The following THSD7B variants were observed in gnomAD, a reference collection of about 807,000 sequenced individuals.
The protein encoded by THSD7B is thrombospondin type-1 domain-containing protein 7B.
THSD7B carries 138 observed loss-of-function variants against 213.6 expected under a neutral mutation model. The observed-to-expected ratio is 0.65, with a 90% CI of 0.56 to 0.74. The LOEUF is 0.74. Ranked by LOEUF, THSD7B falls within the 30% of genes least tolerant of loss-of-function variation. The pLI is 0.00. For missense variants in THSD7B, 1,931 were observed against 1,991.5 expected, an observed-to-expected ratio of 0.97 and a Z score of 0.58; for synonymous variants, 742 against 687.0, an observed-to-expected ratio of 1.08 and a Z score of -1.25.
At chr2:137,051,900 C>G (rs1687077511) in intron 2 of THSD7B, among the ~76,000 whole-genome samples, 1 of 152,150 alleles carries the variant, frequency 6.6e-6, no homozygotes, top group Non-Finnish European at 1.5e-5. Flanking sequence ...AGGCATCCAG[C>G]ATGCTTTCTT....
intron 27 of THSD7B, among the ~76,000 whole-genome samples, chr2:137,669,834 C>T (rs1300150213): frequency 1.3e-5 from 2 of 152,036 alleles, no homozygotes; most frequent in African/African-American, 4.8e-5. Flanking sequence ...TTTTGTTTTC[C>T]TCCATTCCCT....
intron 12 of THSD7B, among the ~76,000 whole-genome samples, chr2:137,323,538 G>A (rs13419408): frequency 0.045 from 6,849 of 152,220 alleles, 491 homozygotes; most frequent in African/African-American, 0.15. Context: ...ATGCTGAGAG[G>A]TACTGTGTGG....
intron 1 of THSD7B, among the ~76,000 whole-genome samples, chr2:136,801,095 T>C (rs1474752958): frequency 6.6e-6 from 1 of 152,052 alleles, no homozygotes; most frequent in Non-Finnish European, 1.5e-5. Flanking sequence ...ATGGTTTGCA[T>C]ATCTTTGCCT....
intron 21 of THSD7B, among the ~76,000 whole-genome samples, chr2:137,649,853 G>A (rs1178291531): frequency 6.6e-6 from 1 of 151,994 alleles, no homozygotes; most frequent in Non-Finnish European, 1.5e-5. Flanking sequence ...CCCAGCACTT[G>A]GGGAGGCTGA....
Position 137,663,392 on chromosome 2 carries a change from T to C in THSD7B, c.4468T>C (p.Cys1490Arg). ...ATTCTTTATGCTGTAGGGTGGAGTC[T>C]GTGGTTGTGAGAAGGGCTATACAGA... is the stretch of plus-strand genomic sequence containing the variant. Reference protein sequence around the residue: ...PFSYCTQGGVCGCEKGYTEIM... With the variant: ...PFSYCTQGGVRGCEKGYTEIM... Residue 1490 changes from cysteine to arginine, a missense_variant, in exon 26 of 28, where the codon TGT becomes CGT. Coordinates refer to ENST00000409968, the MANE Select transcript of THSD7B (RefSeq NM_001316349.2). The C allele has an allele frequency of 6.3e-7, 1 of 1,580,796 alleles. No homozygotes were observed. The highest frequency in any genetic ancestry group is 8.6e-7 in the Non-Finnish European group (1 of 1,162,772).
At chr2:136,837,816 T>G (rs181905189) in intron 1 of THSD7B, among the ~76,000 whole-genome samples, 1 of 152,356 alleles carries the variant, frequency 6.6e-6, no homozygotes, top group East Asian at 1.9e-4. Flanking sequence ...TTTCTTTATA[T>G]ATCCTCCTAC....
intron 1 of THSD7B, among the ~76,000 whole-genome samples, chr2:136,822,274 G>A (rs1019520169): frequency 2.6e-5 from 4 of 152,166 alleles, no homozygotes; most frequent in Non-Finnish European, 4.4e-5. Flanking sequence ...ACCCACTTTA[G>A]ATGATTTAAT....
intron 12 of THSD7B, among the ~76,000 whole-genome samples, chr2:137,332,092 G>A (rs1194738810): frequency 1.3e-5 from 2 of 152,138 alleles, no homozygotes; most frequent in Non-Finnish European, 2.9e-5. Context: ...CTCAAGTGCC[G>A]CCAAAGTGGA....
chr2:136,881,951 A>G (rs1683631833), intron 1 of THSD7B, among the ~76,000 whole-genome samples, 193 bp from the exon 2 acceptor site: 2 of 152,200 alleles, frequency 1.3e-5, no homozygotes, highest in African/African-American at 4.8e-5. Context: ...ACAAAAAATA[A>G]TACAAAACAT....
At chr2:136,914,253 C>T (rs971189184) in intron 2 of THSD7B, among the ~76,000 whole-genome samples, 1 of 152,192 alleles carries the variant, frequency 6.6e-6, no homozygotes, top group Non-Finnish European at 1.5e-5. Flanking sequence ...GCTGTATTTA[C>T]CCAATACCTG....
At chr2:137,555,311 ACCTCATACGGCCAGGTACC>A (rs1271125031) in intron 15 of THSD7B, among the ~76,000 whole-genome samples, 1 of 152,200 alleles carries the variant, frequency 6.6e-6, no homozygotes, top group Non-Finnish European at 1.5e-5. Context: ...GCAGACTGAC[ACCTCATACGGCCAGGTACC>A]CCTCTGAGAT....
rs556441952 is a variant in THSD7B at position 136,818,831 on chromosome 2, G to T, written c.-36+53144G>T. ...GCTTTCAAGTAAGTTGATTTTTAGG[G>T]GACTGGATTTGGTGGCTTATAACTC... is the stretch of plus-strand genomic sequence containing the variant. On this transcript the variant is annotated intron_variant, in intron 1 of 27. Coordinates refer to ENST00000409968, the MANE Select transcript of THSD7B (RefSeq NM_001316349.2). Among the ~76,000 whole-genome samples the T allele has an allele frequency of 3.3e-5, 5 of 151,776 alleles. No homozygotes were observed. The South Asian group carries it at 1.0e-3, about 32-fold the overall frequency.
intron 2 of THSD7B, among the ~76,000 whole-genome samples, chr2:136,884,798 A>G (rs1683688532): frequency 6.6e-6 from 1 of 152,086 alleles, no homozygotes; most frequent in African/African-American, 2.4e-5. Context: ...AAATTTATCT[A>G]GTTTTCCTGT....
At chr2:137,191,438 G>A (rs970069432) in intron 7 of THSD7B, among the ~76,000 whole-genome samples, 1 of 151,992 alleles carries the variant, frequency 6.6e-6, no homozygotes, top group Non-Finnish European at 1.5e-5. Flanking sequence ...GGCTTAAGCT[G>A]GGATGAGGGG....
At chr2:137,189,487 A>G (rs1159279119) in intron 7 of THSD7B, among the ~76,000 whole-genome samples, 1 of 151,958 alleles carries the variant, frequency 6.6e-6, no homozygotes, top group Non-Finnish European at 1.5e-5. Context: ...CACAAGGTCA[A>G]CGTCACCCAT....
intron 7 of THSD7B, among the ~76,000 whole-genome samples, chr2:137,173,110 T>C (rs1194276867): frequency 6.6e-6 from 1 of 152,160 alleles, no homozygotes; most frequent in Non-Finnish European, 1.5e-5. Flanking sequence ...ATTAGTTATA[T>C]AACAATGATT....
At chr2:136,963,409 G>A (rs758614616) in intron 2 of THSD7B, among the ~76,000 whole-genome samples, 49 of 152,180 alleles carry the variant, frequency 3.2e-4, no homozygotes, top group Admixed American at 1.3e-4. Context: ...TAGGGAGGCC[G>A]AGGGTGGGGA....
intron 5 of THSD7B, among the ~76,000 whole-genome samples, chr2:137,140,632 T>A (rs1261518555): frequency 6.6e-6 from 1 of 152,130 alleles, no homozygotes; most frequent in African/African-American, 2.4e-5. Context: ...AGAATTGAAG[T>A]CTTGCTTTTT....
chr2:137,582,789 G>A lies in THSD7B; in HGVS notation c.3423+10233G>A, dbSNP rs4954519. ...AGTCTTTGCTCTTGTGAATACTGCC[G>A]CAATAAACATACGTGTGCATGTGTC... On this transcript the variant is annotated intron_variant, in intron 17 of 27. Transcript: ENST00000409968. Among the ~76,000 whole-genome samples, 1,116 of 152,106 alleles carry A rather than the reference G, an allele frequency of 7.3e-3. 22 individuals are homozygous for A. Among genetic ancestry groups the A allele is most frequent in the East Asian group, 0.071 (365 of 5,162 alleles).
Sources: allele counts gnomAD v4.1 joint callset (sites outside exome capture counted in the v4.1 genomes callset), GRCh38; gene constraint gnomAD v4.1.1; transcripts MANE v1.5; gene names NCBI Gene and HGNC (gene_info 2026-07-23, HGNC 2026-07-21).